Variants in ABCA13 observed in about 807,000 individuals in gnomAD.
ABCA13 encodes the protein ATP-binding cassette sub-family A member 13.
ABCA13 carries 476 observed loss-of-function variants against 478.7 expected under a neutral mutation model. That is an observed-to-expected ratio of 0.99 (90% CI 0.92 to 1.07). ABCA13 has a LOEUF of 1.07. Among genes scored for constraint, ABCA13 ranks in the 50% least tolerant of loss-of-function variants. The pLI, the probability that ABCA13 is intolerant of heterozygous loss-of-function variation, is 0.00. For synonymous variants in ABCA13, 2,252 were observed against 2,158.9 expected, an observed-to-expected ratio of 1.04 and a Z score of -1.20; for missense variants, 6,060 against 5,910.6, an observed-to-expected ratio of 1.03 and a Z score of -0.83.
chr7:48,364,269 T>C (rs569753244), intron 31 of ABCA13, among the ~76,000 whole-genome samples: 79 of 152,290 alleles, frequency 5.2e-4, no homozygotes, highest in African/African-American at 1.9e-3. Context: ...CGCTAGTCAA[T>C]GTAACTTTTT....
chr7:48,299,597 A>G (rs1348797896), intron 23 of ABCA13, among the ~76,000 whole-genome samples: 2 of 152,226 alleles, frequency 1.3e-5, no homozygotes, highest in Admixed American at 1.3e-4. Flanking sequence ...GAAACGAGTA[A>G]TAGGGGAAAG....
At chr7:48,494,981 T>G (rs1830151927) in intron 48 of ABCA13, among the ~76,000 whole-genome samples, 1 of 151,994 alleles carries the variant, frequency 6.6e-6, no homozygotes, top group African/African-American at 2.4e-5. Flanking sequence ...GAATCGGGTA[T>G]AGAAAAAAAG....
chr7:48,496,822 T>C (rs1830316619), intron 48 of ABCA13, among the ~76,000 whole-genome samples: 1 of 152,152 alleles, frequency 6.6e-6, no homozygotes, highest in Non-Finnish European at 1.5e-5. Flanking sequence ...TGGTATTTTC[T>C]TCCTTCTCTC....
intron 28 of ABCA13, among the ~76,000 whole-genome samples, chr7:48,337,298 C>A (rs1806418287): frequency 6.6e-6 from 1 of 152,180 alleles, no homozygotes; most frequent in South Asian, 2.1e-4. Flanking sequence ...ACAGTACCCT[C>A]CTGGGGATGT....
At chr7:48,313,423 G>T (rs1802069404) in intron 25 of ABCA13, among the ~76,000 whole-genome samples, 192 bp downstream of exon 25, 1 of 152,194 alleles carries the variant, frequency 6.6e-6, no homozygotes, top group African/African-American at 2.4e-5. Context: ...TCTAAAAACT[G>T]CATGAAACTG....
chr7:48,441,484 G>C (rs1033931421), intron 42 of ABCA13, among the ~76,000 whole-genome samples: 3 of 152,030 alleles, frequency 2.0e-5, no homozygotes, highest in Non-Finnish European at 4.4e-5. Flanking sequence ...CTCACTCCTT[G>C]CTTTTCTGAG....
chr7:48,297,410 C>A, intron 22 of ABCA13, 99 bp downstream of exon 22: 1 of 1,176,452 alleles, frequency 8.5e-7, no homozygotes. Flanking sequence ...AAAATTTATG[C>A]TATATGTGAT....
At chr7:48,570,801 A>G (rs1787570636) in intron 55 of ABCA13, among the ~76,000 whole-genome samples, 2 of 152,142 alleles carry the variant, frequency 1.3e-5, no homozygotes, top group Admixed American at 6.5e-5. Flanking sequence ...TAAATAATCT[A>G]ATTATTGAGA....
At chr7:48,402,781 C>T (rs1373210767) in intron 38 of ABCA13, among the ~76,000 whole-genome samples, 1 of 152,240 alleles carries the variant, frequency 6.6e-6, no homozygotes, top group East Asian at 1.9e-4. Context: ...CCTGTCTAGC[C>T]TTCTCTCTGG....
intron 27 of ABCA13, among the ~76,000 whole-genome samples, chr7:48,333,896 TC>T (rs900045330): frequency 4.6e-5 from 7 of 152,220 alleles, no homozygotes; most frequent in African/African-American, 1.7e-4. Context: ...TTGCCCTGTC[TC>T]CTGGGTGCTT....
At chr7:48,408,387 T>C (rs1401840186) in intron 39 of ABCA13, among the ~76,000 whole-genome samples, 1 of 152,228 alleles carries the variant, frequency 6.6e-6, no homozygotes, top group Non-Finnish European at 1.5e-5. Context: ...AGTCAGATGA[T>C]CTAAACTGCC....
At chr7:48,561,143 C>T (rs900220762) in intron 55 of ABCA13, among the ~76,000 whole-genome samples, 14 of 151,874 alleles carry the variant, frequency 9.2e-5, no homozygotes, top group Admixed American at 8.5e-4. Context: ...TTATCCATCC[C>T]TTGATGGACA....
intron 1 of ABCA13, among the ~76,000 whole-genome samples, chr7:48,176,135 G>C (rs1794845337): frequency 1.3e-5 from 2 of 152,132 alleles, no homozygotes. Context: ...TTGGATCTCT[G>C]TTCTGAATCT....
chr7:48,298,212 C>T (rs977987832), intron 22 of ABCA13, among the ~76,000 whole-genome samples, 154 bp from the exon 23 acceptor site: 15 of 152,082 alleles, frequency 9.9e-5, no homozygotes, highest in Admixed American at 2.0e-4. Flanking sequence ...AAGTTATTCC[C>T]AGGGGAGTAA....
At chr7:48,539,342 T>G (rs1211781802) in intron 55 of ABCA13, among the ~76,000 whole-genome samples, 1 of 152,154 alleles carries the variant, frequency 6.6e-6, no homozygotes, top group Non-Finnish European at 1.5e-5. Context: ...TTAGCAGTTT[T>G]GATGTTTAAT....
In ABCA13 at chr7:48,275,540, A is replaced by G; in HGVS notation, c.5874A>G (p.Lys1958=). 1 of 1,613,842 alleles carries G rather than the reference A, an allele frequency of 6.2e-7. No homozygotes were observed. The highest frequency in any genetic ancestry group is 1.3e-5 in the African/African-American group (1 of 75,046). The change falls in exon 17 of 62, where the codon AAA becomes AAG. Residue 1958 remains lysine (K), a synonymous_variant. Transcript: ENST00000435803. ...IKQVALQIIE[K]LKNVNFTKVT... Reference sequence around the variant, plus strand: ...AAGTTGCTTTGCAAATCATAGAAAAACTTAAAAATGTCAACTTTACAAAAG... The same window carrying G: ...AAGTTGCTTTGCAAATCATAGAAAAGCTTAAAAATGTCAACTTTACAAAAG...
intron 41 of ABCA13, among the ~76,000 whole-genome samples, chr7:48,424,655 C>A (rs966577857): frequency 6.6e-6 from 1 of 152,128 alleles, no homozygotes; most frequent in African/African-American, 2.4e-5. Context: ...ATGTTAGGAG[C>A]CTTCTTGTAA....
At position 48,275,015 on chromosome 7, in the gene ABCA13, T is replaced by C. The variant is rs764892070; in HGVS notation, c.5349T>C (p.Ile1783=). 91 of 1,613,932 alleles carry C rather than the reference T, an allele frequency of 5.6e-5. No homozygotes were observed. Among genetic ancestry groups the C allele is most frequent in the Non-Finnish European group, 7.6e-5 (90 of 1,179,850 alleles). Residue 1783 remains isoleucine, a synonymous_variant, in exon 17 of 62, where the codon ATT becomes ATC. Transcript: ENST00000435803. The stretch of plus-strand genomic sequence containing the variant: ...TCACACTCCTTCATGGCATAACCAT[T>C]TCAAATATCACCAAGGAAGACTTCG... The part of the protein sequence containing the change: ...YSFTLLHGIT[I]SNITKEDFAI...
At chr7:48,538,488 G>A (rs537984937) in intron 55 of ABCA13, among the ~76,000 whole-genome samples, 2 of 152,180 alleles carry the variant, frequency 1.3e-5, no homozygotes, top group South Asian at 4.1e-4. Flanking sequence ...AACATCCAAT[G>A]ACTTTTCATA....
Sources: allele counts gnomAD v4.1 joint callset (sites outside exome capture counted in the v4.1 genomes callset), GRCh38; gene constraint gnomAD v4.1.1; transcripts MANE v1.5; gene names NCBI Gene and HGNC (gene_info 2026-07-23, HGNC 2026-07-21).